Variants in HLCS observed in about 807,000 individuals in gnomAD.
HLCS encodes the protein holocarboxylase synthetase.
Under a neutral mutation model 75.0 loss-of-function variants are expected in HLCS, and 53 were observed. That is an observed-to-expected ratio of 0.71 (90% CI 0.57 to 0.89). The LOEUF (loss-of-function observed/expected upper bound fraction) is 0.89, where lower values mean the gene tolerates loss of function less well. HLCS is among the 40% of genes least tolerant of loss of function. The pLI, the probability that HLCS is intolerant of heterozygous loss-of-function variation, is 0.00. For missense variants in HLCS, 966 were observed against 1,074.0 expected (o/e 0.90, Z 1.41); for synonymous variants, 431 against 428.6 (o/e 1.01, Z -0.07).
chr21:36,959,250 G>A (rs1276863167), intron 2 of HLCS, among the ~76,000 whole-genome samples: 5 of 152,216 alleles, frequency 3.3e-5, no homozygotes, highest in South Asian at 2.1e-4. Flanking sequence ...GAGCCTGGGC[G>A]GTGTCGCAAC....
chr21:36,949,087 C>T (rs1019578813), intron 2 of HLCS, among the ~76,000 whole-genome samples: 2 of 152,208 alleles, frequency 1.3e-5, no homozygotes, highest in African/African-American at 4.8e-5. Flanking sequence ...CCTCATCCCC[C>T]CATTCCACTG....
At chr21:36,771,249 T>TAAATAAATAAATAAATAAATAAATAA (rs1369792062) in intron 6 of HLCS, among the ~76,000 whole-genome samples, 8 of 134,852 alleles carry the variant, frequency 5.9e-5, no homozygotes, top group African/African-American at 2.6e-4. Flanking sequence ...TAAATAAATA[T>TAAATAAATAAATAAATAAATAAATAA]AAAATAAAAT....
intron 6 of HLCS, among the ~76,000 whole-genome samples, chr21:36,806,778 C>T (rs957317552): frequency 3.9e-5 from 6 of 152,146 alleles, no homozygotes; most frequent in East Asian, 1.9e-4. Context: ...CTAAGCAGCC[C>T]GAGACAACTT....
intron 5 of HLCS, among the ~76,000 whole-genome samples, chr21:36,907,296 T>G (rs774831747): frequency 3.3e-5 from 5 of 151,862 alleles, no homozygotes; most frequent in Non-Finnish European, 7.4e-5. Context: ...GCATGAACCA[T>G]AAAAGGAAAA....
intron 2 of HLCS, among the ~76,000 whole-genome samples, chr21:36,957,264 ATG>A (rs1292815809): frequency 6.6e-6 from 1 of 152,034 alleles, no homozygotes; most frequent in African/African-American, 2.4e-5. Flanking sequence ...TTGTTTAAAA[ATG>A]TGTGGCACCT....
chr21:36,869,563 C>T (rs2063700713), intron 6 of HLCS, among the ~76,000 whole-genome samples: 2 of 152,114 alleles, frequency 1.3e-5, no homozygotes, highest in Non-Finnish European at 2.9e-5. Context: ...TTTCAAAATG[C>T]CCTTTGCTTA....
At position 36,872,465 on chromosome 21, in the gene HLCS, T is replaced by C. The variant is rs555868543; in HGVS notation, c.1892+24395A>G. 1.1e-3 allele frequency among the ~76,000 whole-genome samples: 174 copies of C among 152,096 alleles called. 1 individual carries two copies. The highest frequency in any genetic ancestry group is 2.0e-3 in the Non-Finnish European group (138 of 67,998). Reference sequence around the variant, plus strand: ...TTTTAGTTTTTATGTAAAATTGGCCTACCTTGATATGCTAAGATCTGCTGG... The same window carrying C: ...TTTTAGTTTTTATGTAAAATTGGCCCACCTTGATATGCTAAGATCTGCTGG... On this transcript the variant is annotated intron_variant, in intron 6 of 10. Transcript: ENST00000674895.
At chr21:36,818,116 C>T (rs917018039) in intron 6 of HLCS, among the ~76,000 whole-genome samples, 1 of 152,148 alleles carries the variant, frequency 6.6e-6, no homozygotes, top group Non-Finnish European at 1.5e-5. Context: ...CATCTAACTC[C>T]TAAATACACT....
At chr21:36,894,049 C>T (rs910096203) in intron 6 of HLCS, among the ~76,000 whole-genome samples, 16 of 152,136 alleles carry the variant, frequency 1.1e-4, no homozygotes, top group African/African-American at 3.1e-4. Context: ...GTGATTTGAT[C>T]GTAGAGGTGG....
At chr21:36,792,218 GGCTCCCAGC>G (rs1221386197) in intron 6 of HLCS, among the ~76,000 whole-genome samples, 1 of 152,074 alleles carries the variant, frequency 6.6e-6, no homozygotes, top group African/African-American at 2.4e-5. Flanking sequence ...CTACCCCGCA[GGCTCCCAGC>G]GCTACGCTCT....
intron 6 of HLCS, among the ~76,000 whole-genome samples, chr21:36,784,182 C>G (rs7280602): frequency 0.2 from 30,848 of 152,092 alleles, 3,661 homozygotes; most frequent in Middle Eastern, 0.31. Context: ...AGCTACACCG[C>G]AGAAGTGGCC....
chr21:36,849,726 A>G (rs992748837), intron 6 of HLCS, among the ~76,000 whole-genome samples: 1 of 152,106 alleles, frequency 6.6e-6, no homozygotes, highest in African/African-American at 2.4e-5. Flanking sequence ...TGATTCTCTG[A>G]CCTTCCCCTC....
At chr21:36,939,103 ACAGT>A in intron 2 of HLCS, 109 bp from the exon 3 acceptor site, 1 of 956,264 alleles carries the variant, frequency 1.0e-6, no homozygotes, top group East Asian at 2.7e-5. Context: ...CCACTAAATT[ACAGT>A]CATTAATAAC....
At chr21:36,848,887 G>T (rs1197387322) in intron 6 of HLCS, among the ~76,000 whole-genome samples, 2 of 152,204 alleles carry the variant, frequency 1.3e-5, no homozygotes, top group African/African-American at 4.8e-5. Context: ...AAAGGATGGG[G>T]AAAGAGGTGA....
chr21:36,919,133 C>T (rs2066053703), intron 5 of HLCS, among the ~76,000 whole-genome samples: 1 of 152,032 alleles, frequency 6.6e-6, no homozygotes, highest in East Asian at 1.9e-4. Flanking sequence ...ATAATACTGG[C>T]AGAGAAGTGG....
At chr21:36,866,596 C>A (rs979264807) in intron 6 of HLCS, among the ~76,000 whole-genome samples, 1 of 152,158 alleles carries the variant, frequency 6.6e-6, no homozygotes, top group Non-Finnish European at 1.5e-5. Flanking sequence ...CATGACTGGG[C>A]AAATTCACAG....
intron 6 of HLCS, among the ~76,000 whole-genome samples, chr21:36,822,526 C>A (rs927822970): frequency 2.0e-5 from 3 of 152,126 alleles, no homozygotes; most frequent in Non-Finnish European, 2.9e-5. Flanking sequence ...TTTAAATAAA[C>A]TTTTATTTTG....
At chr21:36,785,004 C>T (rs959705800) in intron 6 of HLCS, among the ~76,000 whole-genome samples, 2 of 152,184 alleles carry the variant, frequency 1.3e-5, no homozygotes, top group African/African-American at 4.8e-5. Context: ...TTCCTTCCTA[C>T]AGAAGGGCAG....
chr21:36,904,923 G>T (rs548354657), intron 5 of HLCS, among the ~76,000 whole-genome samples: 1 of 152,192 alleles, frequency 6.6e-6, no homozygotes, highest in South Asian at 2.1e-4. Flanking sequence ...AAGACAAGTG[G>T]GCTGACATAT....
Sources: gnomAD v4.1 joint callset for allele counts (sites outside exome capture counted in the v4.1 genomes callset) on GRCh38, gnomAD v4.1.1 for gene constraint, MANE v1.5 for transcripts, NCBI Gene and HGNC (gene_info 2026-07-23, HGNC 2026-07-21) for gene names.